CELF2: variants seen among roughly 807,000 people sequenced by gnomAD.
The protein encoded by CELF2 is CUGBP Elav-like family member 2.
In CELF2, 8 loss-of-function variants were observed where a neutral mutation model predicts 62.6. The ratio of observed to expected loss-of-function variants is 0.13; its 90% confidence interval spans 0.07 to 0.23. CELF2 has a LOEUF of 0.23. Among genes scored for constraint, CELF2 ranks in the 10% least tolerant of loss-of-function variants. The pLI is 1.00. For synonymous variants in CELF2, 258 were observed against 250.0 expected, an observed-to-expected ratio of 1.03 and a Z score of -0.30; for missense variants, 333 against 671.0, an observed-to-expected ratio of 0.50 and a Z score of 5.56.
upstream of CELF2, among the ~76,000 whole-genome samples, chr10:11,004,786 G>A (rs1343358972): frequency 2.0e-5 from 3 of 152,134 alleles, no homozygotes; most frequent in African/African-American, 7.2e-5. The surrounding 1 kb of genome is among the most constrained non-coding windows in gnomAD (Gnocchi z 5.0). Flanking sequence ...GTGGGGCTAA[G>A]GGTCTTGACC....
At chr10:10,733,926 C>T in the CELF2 span, among the ~76,000 whole-genome samples, 193 of 152,154 alleles carry the variant, frequency 1.3e-3, 1 homozygote, top group Non-Finnish European at 2.4e-3. Flanking sequence ...GAATGTAATA[C>T]AAATTTACAA....
the CELF2 span, among the ~76,000 whole-genome samples, chr10:10,681,085 A>G: frequency 1.3e-5 from 2 of 152,194 alleles, no homozygotes; most frequent in African/African-American, 4.8e-5. Context: ...TATTCTTATC[A>G]AATATTAAGA....
At chr10:10,849,635 G>A (rs754529133) in intron 1 of CELF2, among the ~76,000 whole-genome samples, 8 of 152,090 alleles carry the variant, frequency 5.3e-5, no homozygotes, top group Middle Eastern at 3.4e-3. Context: ...CTTACATAAC[G>A]ACAGTACAAT....
chr10:10,604,757 A>G, the CELF2 span, among the ~76,000 whole-genome samples: 2 of 152,252 alleles, frequency 1.3e-5, no homozygotes, highest in African/African-American at 4.8e-5. Context: ...ATTTTGTCCA[A>G]GTTAATTATT....
chr10:10,821,045 C>T (rs2056919683), intron 1 of CELF2, among the ~76,000 whole-genome samples: 1 of 152,156 alleles, frequency 6.6e-6, no homozygotes, highest in Non-Finnish European at 1.5e-5. Flanking sequence ...GGAAGTCAAA[C>T]ATAAGGGATT....
At chr10:10,752,688 C>CAAAAAAAAAA in the CELF2 span, among the ~76,000 whole-genome samples, 10 of 58,876 alleles carry the variant, frequency 1.7e-4, no homozygotes, top group South Asian at 6.4e-4. Context: ...GACTCCGTCT[C>CAAAAAAAAAA]AAAAAAAAAA....
At chr10:11,058,783 T>C (rs1464131830) in intron 1 of CELF2, among the ~76,000 whole-genome samples, 2 of 151,962 alleles carry the variant, frequency 1.3e-5, no homozygotes, top group African/African-American at 4.8e-5. Flanking sequence ...TGTTTTGTTT[T>C]GTTTTGTTTT....
At chr10:10,478,563 T>C in the CELF2 span, among the ~76,000 whole-genome samples, 1 of 152,310 alleles carries the variant, frequency 6.6e-6, no homozygotes, top group East Asian at 1.9e-4. Flanking sequence ...AATACAGTTA[T>C]ATAGTCATTA....
At chr10:10,686,310 TG>T in the CELF2 span, among the ~76,000 whole-genome samples, 13,651 of 69,574 alleles carry the variant, frequency 0.2, 1,366 homozygotes, top group South Asian at 0.42. Context: ...TTGGATTTTT[TG>T]GGGGGGGGGG....
At chr10:10,694,820 G>A in the CELF2 span, among the ~76,000 whole-genome samples, 266 of 150,870 alleles carry the variant, frequency 1.8e-3, 3 homozygotes, top group Non-Finnish European at 3.1e-3. Flanking sequence ...TTTTATCAGA[G>A]ATGAGGATTG....
intron 2 of CELF2, among the ~76,000 whole-genome samples, chr10:11,205,291 G>A (rs917512273): frequency 5.9e-5 from 9 of 152,194 alleles, no homozygotes; most frequent in African/African-American, 1.2e-4. Context: ...GGCCTGTCGC[G>A]GCTGCATTTC....
chr10:10,997,326 G>T lies in CELF2; in HGVS notation c.89+77327G>T, dbSNP rs1374679385. Reference sequence around the variant, plus strand: ...CTGAAAAAGTATAAAAAATGAAAAAGAGCTATGGATGTGTTATGAGAATTT... The same window carrying T: ...CTGAAAAAGTATAAAAAATGAAAAATAGCTATGGATGTGTTATGAGAATTT... On this transcript the variant is annotated intron_variant, in intron 2 of 13. Coordinates refer to the CELF2 transcript ENST00000636488. This position sits in a 1 kb window ranked among gnomAD's most constrained non-coding sequence, Gnocchi z 5.3. 6.6e-6 allele frequency among the ~76,000 whole-genome samples: 1 copy of T among 152,196 alleles called. No individual in the cohort carries two copies. Among genetic ancestry groups the T allele is most frequent in the African/African-American group, 2.4e-5 (1 of 41,448 alleles).
At chr10:11,120,493 A>G (rs1420751256) in intron 1 of CELF2, among the ~76,000 whole-genome samples, 1 of 152,216 alleles carries the variant, frequency 6.6e-6, no homozygotes, top group East Asian at 1.9e-4. Flanking sequence ...CTTGTTATTT[A>G]GAGACATGCC....
At chr10:11,063,242 A>G (rs2067248357) in intron 1 of CELF2, among the ~76,000 whole-genome samples, 1 of 152,196 alleles carries the variant, frequency 6.6e-6, no homozygotes, top group South Asian at 2.1e-4. Context: ...TCCTCAAGGT[A>G]TGTCAGTATT....
chr10:10,496,488 C>A, the CELF2 span, among the ~76,000 whole-genome samples: 1 of 152,140 alleles, frequency 6.6e-6, no homozygotes, highest in Admixed American at 6.5e-5. Flanking sequence ...ATTCCCAGAG[C>A]CCTAGTATGG....
At chr10:11,274,600 G>C (rs1379496321) in intron 7 of CELF2, among the ~76,000 whole-genome samples, 2 of 152,164 alleles carry the variant, frequency 1.3e-5, no homozygotes, top group African/African-American at 4.8e-5. Context: ...CATGTTTGTA[G>C]TTACCATGAT....
Position 10,954,237 on chromosome 10 carries a change from T to TATG in CELF2, c.89+34240_89+34241insGAT, listed in dbSNP as rs1271924292. On this transcript the variant is annotated intron_variant, in intron 2 of 13. Transcript: ENST00000636488. Reference sequence around the variant, plus strand: ...TTATTATTATTATTATTATTATTATTATTATTATTATTATTATTATTATTT... The same window carrying TATG: ...TTATTATTATTATTATTATTATTATTATGATTATTATTATTATTATTATTATTT... Among the ~76,000 whole-genome samples, 114 of 147,108 alleles carry TATG rather than the reference T, an allele frequency of 7.7e-4. 1 individual carries two copies. Among genetic ancestry groups the TATG allele is most frequent in the Middle Eastern group, 3.6e-3 (1 of 278 alleles).
the CELF2 span, among the ~76,000 whole-genome samples, chr10:10,769,571 T>A: frequency 6.6e-6 from 1 of 152,118 alleles, no homozygotes; most frequent in African/African-American, 2.4e-5. Flanking sequence ...AAGACCAGCC[T>A]GGCCAACATG....
intron 1 of CELF2, among the ~76,000 whole-genome samples, chr10:11,071,343 A>G (rs1285993643): frequency 2.6e-5 from 4 of 152,146 alleles, no homozygotes; most frequent in Non-Finnish European, 5.9e-5. Flanking sequence ...CAACAACTAT[A>G]TGAGGTTGGT....
Sources: gnomAD v4.1 joint callset for allele counts (sites outside exome capture counted in the v4.1 genomes callset) on GRCh38, gnomAD v4.1.1 for gene constraint, Gnocchi (gnomAD v3.1) non-coding constraint, MANE v1.5 for transcripts, NCBI Gene and HGNC (gene_info 2026-07-23, HGNC 2026-07-21) for gene names.